RTN4IP1: variants seen among roughly 807,000 people sequenced by gnomAD.
RTN4IP1 encodes reticulon 4 interacting protein 1.
Under a neutral mutation model 46.6 loss-of-function variants are expected in RTN4IP1, and 32 were observed. That is an observed-to-expected ratio of 0.69 (90% confidence interval 0.52 to 0.92). The LOEUF is 0.92. RTN4IP1 is among the 40% of genes least tolerant of loss of function. RTN4IP1 has a pLI of 0.00. For synonymous variants in RTN4IP1, 167 were observed against 161.8 expected (o/e 1.03, Z -0.24); for missense variants, 424 against 485.8 (o/e 0.87, Z 1.20).
Position 106,624,946 on chromosome 6 carries a change from AAAAAAGAAAAAG to A in RTN4IP1, c.275-1989_275-1978del, listed in dbSNP as rs200539847. On this transcript the variant is annotated intron_variant, in intron 1 of 8. Transcript: ENST00000369063. ...GCAAAGCTCTGTCTCAAAAAAAAAA[AAAAAAGAAAAAG>A]AAAAAGAAAAAGAAAAAGAATACTT... Among the ~76,000 whole-genome samples the A allele has an allele frequency of 9.3e-3, 1,239 of 133,132 alleles. 7 individuals are homozygous for A. Among genetic ancestry groups the A allele is most frequent in the African/African-American group, 0.019 (718 of 37,744 alleles). 87.3% of individuals were successfully genotyped at this position (133,132 alleles called of 152,430 possible).
chr6:106,599,697 A>G (rs1216149456), intron 5 of RTN4IP1, among the ~76,000 whole-genome samples: 1 of 152,058 alleles, frequency 6.6e-6, no homozygotes, highest in East Asian at 1.9e-4. Flanking sequence ...TTTACTGTTG[A>G]TGGACATTTG....
chr6:106,584,272 G>C (rs1306834103), intron 7 of RTN4IP1, among the ~76,000 whole-genome samples: 1 of 152,154 alleles, frequency 6.6e-6, no homozygotes, highest in African/African-American at 2.4e-5. Context: ...AGGTAGGGTA[G>C]GCCATTACGG....
At chr6:106,619,462 T>A in intron 3 of RTN4IP1, 136 bp from the exon 4 acceptor site, 1 of 979,272 alleles carries the variant, frequency 1.0e-6, no homozygotes, top group Non-Finnish European at 1.5e-6. Context: ...CACTTATACG[T>A]GGATTTCCTG....
intron 4 of RTN4IP1, among the ~76,000 whole-genome samples, chr6:106,607,267 A>G (rs1776101931): frequency 6.6e-6 from 1 of 151,416 alleles, no homozygotes; most frequent in Non-Finnish European, 1.5e-5. Flanking sequence ...TGAATTAAAG[A>G]CTTAAACATA....
chr6:106,601,414 A>G (rs541473893), intron 5 of RTN4IP1, among the ~76,000 whole-genome samples: 4 of 152,032 alleles, frequency 2.6e-5, no homozygotes, highest in Non-Finnish European at 5.9e-5. Context: ...AGTTTTTTTA[A>G]TTTTGATGAA....
intron 4 of RTN4IP1, among the ~76,000 whole-genome samples, chr6:106,613,697 T>C (rs1217258071): frequency 6.6e-6 from 1 of 152,312 alleles, no homozygotes; most frequent in East Asian, 1.9e-4. Context: ...GTTCTGCTCA[T>C]GATGAGAGAG....
chr6:106,602,153 T>C (rs775004569), intron 5 of RTN4IP1, among the ~76,000 whole-genome samples: 5 of 152,216 alleles, frequency 3.3e-5, no homozygotes, highest in Non-Finnish European at 7.3e-5. Flanking sequence ...TGTAGCTCTG[T>C]AGTAAGTTTG....
At chr6:106,604,473 G>A (rs768787300) in intron 4 of RTN4IP1, among the ~76,000 whole-genome samples, 9 of 152,056 alleles carry the variant, frequency 5.9e-5, no homozygotes, top group Non-Finnish European at 1.2e-4. Context: ...CAGAACGAAG[G>A]TCTCTCTGAC....
chr6:106,621,560 A>T, intron 2 of RTN4IP1, 67 bp from the exon 3 acceptor site: 1 of 1,370,576 alleles, frequency 7.3e-7, no homozygotes, highest in Non-Finnish European at 1.0e-6. Flanking sequence ...GCTAAGCAAG[A>T]AAGTGTTCCC....
rs115334092 is a variant in RTN4IP1, at chr6:106,603,148, T to A, written c.621-226A>T. Among the ~76,000 whole-genome samples the A allele has an allele frequency of 4.8e-3, 725 of 152,300 alleles. 8 individuals are homozygous for A. Among genetic ancestry groups the A allele is most frequent in the African/African-American group, 0.017 (698 of 41,562 alleles). On this transcript the variant is annotated intron_variant, in intron 4 of 8. Transcript: ENST00000369063. ...TTCTATGAGCTCTGTACCAAGAATA[T>A]CAAATACCGAAAATACCAATAATTT... is the stretch of plus-strand genomic sequence containing the variant.
chr6:106,601,820 A>C (rs571637537), intron 5 of RTN4IP1, among the ~76,000 whole-genome samples: 6 of 152,222 alleles, frequency 3.9e-5, no homozygotes, highest in African/African-American at 1.2e-4. Context: ...CATGTTGGCC[A>C]GGCTGTTCTT....
intron 8 of RTN4IP1, among the ~76,000 whole-genome samples, chr6:106,575,019 A>G (rs1311615727): frequency 6.6e-6 from 1 of 152,246 alleles, no homozygotes; most frequent in Non-Finnish European, 1.5e-5. Flanking sequence ...TGCTGGCTGA[A>G]TCTGTGACAG....
At position 106,616,453 on chromosome 6, in the gene RTN4IP1, T is replaced by A. The variant is rs1055841928; in HGVS notation, c.620+2749A>T. On this transcript the variant is annotated intron_variant, in intron 4 of 8. Transcript: ENST00000369063. ...ATCTTCCAAGGTGCTGATAGGTGTT[T>A]TTGTCATTGTTAATTTTGTTTTTTT... 3.3e-5 allele frequency among the ~76,000 whole-genome samples: 5 copies of A among 152,320 alleles called. No individual in the cohort carries two copies. In the East Asian group the frequency reaches 9.6e-4, roughly 29 times the overall value.
intron 6 of RTN4IP1, among the ~76,000 whole-genome samples, chr6:106,590,714 CAAAAA>C (rs35293436): frequency 1.0e-4 from 7 of 68,522 alleles, no homozygotes; most frequent in Non-Finnish European, 1.8e-4. Context: ...GAATCCATCT[CAAAAA>C]AAAAAAAAAA....
At chr6:106,585,218 A>G (rs1376078104) in intron 7 of RTN4IP1, among the ~76,000 whole-genome samples, 1 of 152,232 alleles carries the variant, frequency 6.6e-6, no homozygotes, top group Non-Finnish European at 1.5e-5. Context: ...TCACACCTAT[A>G]ATCCCAACAC....
At chr6:106,629,800 C>A, upstream of RTN4IP1, 1 of 1,463,402 alleles carries the variant, frequency 6.8e-7, no homozygotes, top group Non-Finnish European at 9.3e-7. Flanking sequence ...CGCATCTTGG[C>A]CCACCTCGCT....
intron 5 of RTN4IP1, among the ~76,000 whole-genome samples, chr6:106,600,985 T>C (rs183679296): frequency 6.6e-5 from 10 of 152,262 alleles, no homozygotes; most frequent in Middle Eastern, 3.4e-3. Context: ...TAATTCTATG[T>C]TTAACATTTT....
chr6:106,583,590 C>T lies in RTN4IP1; in HGVS notation c.991-170G>A, dbSNP rs151115759. On this transcript the variant is annotated intron_variant, in intron 7 of 8. Coordinates refer to ENST00000369063, the MANE Select transcript of RTN4IP1 (RefSeq NM_032730.5). Reference sequence around the variant, plus strand: ...CACAATGACTGACAGAGAATGGATGCTCCATAAATGTTTAATAAATAAATA... The same window carrying T: ...CACAATGACTGACAGAGAATGGATGTTCCATAAATGTTTAATAAATAAATA... 2.2e-4 allele frequency: 127 copies of T among 566,602 alleles called. 1 individual carries two copies. Among genetic ancestry groups the T allele is most frequent in the African/African-American group, 1.9e-3 (100 of 53,028 alleles). The allele number at this position is 566,602 out of a possible 1,614,324, so 35.1% of individuals were successfully genotyped here. A position where few individuals can be genotyped will look rare whatever the true frequency, so the allele number is the denominator to read the frequency against.
intron 8 of RTN4IP1, among the ~76,000 whole-genome samples, chr6:106,576,519 C>G (rs1775231087): frequency 6.6e-6 from 1 of 152,210 alleles, no homozygotes. Flanking sequence ...TCCCTAATCA[C>G]TACATTCTTT....
Sources: gnomAD v4.1 joint callset for allele counts (sites outside exome capture counted in the v4.1 genomes callset) on GRCh38, gnomAD v4.1.1 for gene constraint, MANE v1.5 for transcripts, NCBI Gene and HGNC (gene_info 2026-07-23, HGNC 2026-07-21) for gene names.